CTNND2: variants seen among roughly 807,000 people sequenced by gnomAD.
CTNND2 encodes catenin delta 2, also known as catenin delta-2.
CTNND2 carries 22 observed loss-of-function variants against 144.4 expected under a neutral mutation model. The ratio of observed to expected loss-of-function variants is 0.15; its 90% CI spans 0.11 to 0.22. The LOEUF (loss-of-function observed/expected upper bound fraction) is 0.22. Among genes scored for constraint, CTNND2 ranks in the 10% least tolerant of loss-of-function variants. CTNND2 has a pLI of 1.00. For synonymous variants in CTNND2, 751 were observed against 695.6 expected, an observed-to-expected ratio of 1.08 and a Z score of -1.25; for missense variants, 1,353 against 1,618.8, an observed-to-expected ratio of 0.84 and a Z score of 2.82.
At chr5:11,467,462 C>A (rs953114307) in intron 3 of CTNND2, among the ~76,000 whole-genome samples, 2 of 152,186 alleles carry the variant, frequency 1.3e-5, no homozygotes, top group Non-Finnish European at 2.9e-5. Context: ...CGGTTATACT[C>A]CAAGTGCCTG....
Position 11,384,846 on chromosome 5 carries a change from G to T in CTNND2, c.996C>A (p.Thr332=). ...SSAGLSPIRV[T]SPPTVQSTIS... ...TGGTGGACTGCACGGTGGGGGGCGA[G>T]GTCACGCGGATCGGGGACAGGCCGG... The change falls in exon 7 of 22, where the codon ACC becomes ACA. Residue 332 remains threonine (T), a synonymous_variant. Coordinates refer to ENST00000304623, the MANE Select transcript of CTNND2 (RefSeq NM_001332.4). The surrounding 1 kb of genome is among the most constrained non-coding windows in gnomAD (Gnocchi z 5.2). 2.5e-6 allele frequency: 4 copies of T among 1,612,952 alleles called. No homozygotes were observed. Among genetic ancestry groups the T allele is most frequent in the Non-Finnish European group, 3.4e-6 (4 of 1,179,654 alleles).
At chr5:11,083,072 A>G (rs1439618995) in intron 15 of CTNND2, among the ~76,000 whole-genome samples, 3 of 152,234 alleles carry the variant, frequency 2.0e-5, no homozygotes, top group Non-Finnish European at 4.4e-5. Context: ...AGTGAACCAC[A>G]TTAGGTTTCT....
intron 3 of CTNND2, among the ~76,000 whole-genome samples, chr5:11,444,644 G>C (rs1478042005): frequency 6.6e-6 from 1 of 152,174 alleles, no homozygotes; most frequent in African/African-American, 2.4e-5. Context: ...AGAGGTTGCA[G>C]TGAGCTGAGA....
At chr5:11,526,815 C>A (rs1253575179) in intron 3 of CTNND2, among the ~76,000 whole-genome samples, 1 of 152,114 alleles carries the variant, frequency 6.6e-6, no homozygotes, top group Admixed American at 6.5e-5. Flanking sequence ...GTTTTCACTG[C>A]AGCCCGAAGT....
intron 16 of CTNND2, among the ~76,000 whole-genome samples, chr5:11,068,857 C>A (rs976057091): frequency 1.3e-5 from 2 of 152,210 alleles, no homozygotes; most frequent in Non-Finnish European, 2.9e-5. Flanking sequence ...GCGAAGCTTG[C>A]AGTGAGCCGA....
intron 13 of CTNND2, among the ~76,000 whole-genome samples, chr5:11,113,650 C>T (rs1029444664): frequency 6.6e-6 from 1 of 152,164 alleles, no homozygotes; most frequent in Non-Finnish European, 1.5e-5. Flanking sequence ...ACCAAGCTGG[C>T]TATCATTTTT....
chr5:11,561,116 T>G (rs1036600261), intron 3 of CTNND2, among the ~76,000 whole-genome samples: 4 of 152,184 alleles, frequency 2.6e-5, no homozygotes, highest in Admixed American at 6.5e-5. Context: ...GGGCTGAGCA[T>G]GAGCCAGATC....
intron 1 of CTNND2, among the ~76,000 whole-genome samples, chr5:11,735,399 G>C (rs1053223666): frequency 6.6e-6 from 1 of 151,066 alleles, no homozygotes; most frequent in Non-Finnish European, 1.5e-5. Context: ...TGAAAGAGCA[G>C]AAAGTAAGAA....
At chr5:11,425,230 C>G (rs31891) in intron 3 of CTNND2, among the ~76,000 whole-genome samples, 23,966 of 152,124 alleles carry the variant, frequency 0.16, 3,882 homozygotes, top group African/African-American at 0.41. Context: ...CACTGGCTCT[C>G]TGGAAGCATA....
At chr5:11,540,873 A>C (rs2150069130) in intron 3 of CTNND2, among the ~76,000 whole-genome samples, 1 of 152,336 alleles carries the variant, frequency 6.6e-6, no homozygotes, top group East Asian at 1.9e-4. Context: ...GAGTTAAGTA[A>C]GTTAACTCAT....
chr5:11,505,399 G>A (rs1353654510), intron 3 of CTNND2, among the ~76,000 whole-genome samples: 2 of 152,096 alleles, frequency 1.3e-5, no homozygotes, highest in African/African-American at 4.8e-5. Flanking sequence ...GCAAAATGCT[G>A]GTAAATAAAT....
chr5:11,112,101 G>C (rs1753049976), intron 13 of CTNND2, among the ~76,000 whole-genome samples: 1 of 152,164 alleles, frequency 6.6e-6, no homozygotes, highest in African/African-American at 2.4e-5. Flanking sequence ...CACTTGCTTA[G>C]GCCTCCCAAA....
intron 12 of CTNND2, among the ~76,000 whole-genome samples, chr5:11,139,683 C>T (rs564710518): frequency 2.0e-5 from 3 of 152,328 alleles, no homozygotes; most frequent in Admixed American, 2.0e-4. Flanking sequence ...CCTGGTGCTC[C>T]ACAGGAATGC....
intron 14 of CTNND2, among the ~76,000 whole-genome samples, chr5:11,105,304 C>T (rs1037052119): frequency 1.6e-4 from 24 of 152,298 alleles, no homozygotes; most frequent in Middle Eastern, 3.4e-3. Flanking sequence ...ATATGTCCTT[C>T]GAAGGACAAT....
intron 16 of CTNND2, among the ~76,000 whole-genome samples, chr5:11,057,476 G>C (rs6888916): frequency 6.6e-6 from 1 of 152,122 alleles, no homozygotes; most frequent in African/African-American, 2.4e-5. Context: ...TGCCATCCAC[G>C]TAAGATGTGA....
At chr5:11,758,217 T>A (rs1181892171) in intron 1 of CTNND2, among the ~76,000 whole-genome samples, 1 of 151,962 alleles carries the variant, frequency 6.6e-6, no homozygotes, top group Admixed American at 6.6e-5. Flanking sequence ...CTATTTAAAA[T>A]TTGTATTTTT....
At chr5:11,153,464 C>T (rs546455006) in intron 12 of CTNND2, among the ~76,000 whole-genome samples, 1 of 152,270 alleles carries the variant, frequency 6.6e-6, no homozygotes, top group South Asian at 2.1e-4. Context: ...TTACCTGTGG[C>T]TAATGCAAGA....
chr5:11,312,100 AC>A (rs1242827306), intron 9 of CTNND2, among the ~76,000 whole-genome samples: 7 of 84,874 alleles, frequency 8.2e-5, no homozygotes, highest in Non-Finnish European at 1.3e-4. Context: ...CCATACACAC[AC>A]CCCACACGCA....
At chr5:11,309,408 G>T (rs1750578580) in intron 9 of CTNND2, among the ~76,000 whole-genome samples, 1 of 152,188 alleles carries the variant, frequency 6.6e-6, no homozygotes, top group South Asian at 2.1e-4. Context: ...AGATTATTTT[G>T]GAGTTTTAAG....
Sources: gnomAD v4.1 joint callset for allele counts (sites outside exome capture counted in the v4.1 genomes callset) on GRCh38, gnomAD v4.1.1 for gene constraint, Gnocchi (gnomAD v3.1) non-coding constraint, MANE v1.5 for transcripts, NCBI Gene and HGNC (gene_info 2026-07-23, HGNC 2026-07-21) for gene names.